FSTL5: variants seen among roughly 807,000 people sequenced by gnomAD.
FSTL5 encodes the protein follistatin like 5.
FSTL5 carries 62 observed loss-of-function variants against 89.1 expected under a neutral mutation model. That is an observed-to-expected ratio of 0.70 (90% confidence interval 0.57 to 0.86). FSTL5 has a LOEUF of 0.86. FSTL5 is among the 40% of genes least tolerant of loss of function. The pLI is 0.00. For missense variants in FSTL5, 1,057 were observed against 1,001.6 expected (o/e 1.06, Z -0.75); for synonymous variants, 383 against 346.2 (o/e 1.11, Z -1.18).
chr4:161,875,876 A>G (rs1360774457), intron 4 of FSTL5, among the ~76,000 whole-genome samples: 1 of 152,006 alleles, frequency 6.6e-6, no homozygotes, highest in East Asian at 1.9e-4. Flanking sequence ...TTTTTGTACA[A>G]TCTGTTTGAT....
At chr4:161,690,431 C>T (rs1392174204) in intron 6 of FSTL5, among the ~76,000 whole-genome samples, 1 of 151,810 alleles carries the variant, frequency 6.6e-6, no homozygotes, top group African/African-American at 2.4e-5. Flanking sequence ...TTTTTATATG[C>T]TTGTTGACTA....
At chr4:161,702,066 G>T (rs1738410741) in intron 6 of FSTL5, among the ~76,000 whole-genome samples, 1 of 151,938 alleles carries the variant, frequency 6.6e-6, no homozygotes, top group Non-Finnish European at 1.5e-5. Context: ...TCTGACATGG[G>T]TACCATTAAT....
At chr4:161,389,715 G>C (rs1211158475) in intron 15 of FSTL5, among the ~76,000 whole-genome samples, 1 of 152,056 alleles carries the variant, frequency 6.6e-6, no homozygotes, top group Non-Finnish European at 1.5e-5. Flanking sequence ...GTACTACCTT[G>C]CTCTGAGGAT....
rs1730963313 is a variant in FSTL5, at chr4:162,100,750, T to C, written c.126+10521A>G. Among the ~76,000 whole-genome samples, 3 of 152,162 alleles carry C rather than the reference T, an allele frequency of 2.0e-5. No individual in the cohort carries two copies. In the South Asian group the frequency reaches 6.2e-4, roughly 31 times the overall value. ...CAGGATGTTAATAAAGGGAGGGCTG[T>C]GCATGTGTGGGGGAGGGGGTATAGA... On this transcript the variant is annotated intron_variant, in intron 2 of 15. Coordinates refer to ENST00000306100, the MANE Select transcript of FSTL5 (RefSeq NM_020116.5).
chr4:161,798,841 GA>G (rs779884905), intron 4 of FSTL5, among the ~76,000 whole-genome samples: 2 of 151,430 alleles, frequency 1.3e-5, no homozygotes, highest in East Asian at 3.9e-4. Context: ...TTTTAATAAA[GA>G]AAAAAACCCT....
At chr4:161,935,433 T>C (rs2110907142) in intron 3 of FSTL5, among the ~76,000 whole-genome samples, 1 of 152,254 alleles carries the variant, frequency 6.6e-6, no homozygotes, top group African/African-American at 2.4e-5. Flanking sequence ...ACTGATTCAG[T>C]TCCATCTTCT....
chr4:161,602,201 C>G (rs1043008821), intron 7 of FSTL5, among the ~76,000 whole-genome samples: 2 of 148,482 alleles, frequency 1.3e-5, no homozygotes, highest in South Asian at 4.2e-4. Context: ...AAAGCGTGTG[C>G]GCACGCATGC....
At chr4:162,100,298 C>T (rs374838070) in intron 2 of FSTL5, among the ~76,000 whole-genome samples, 33 of 152,266 alleles carry the variant, frequency 2.2e-4, no homozygotes, top group South Asian at 6.2e-4. Context: ...CGGTGGCTCA[C>T]GCCTGTAATC....
intron 14 of FSTL5, 83 bp downstream of exon 14, chr4:161,459,129 T>C (rs116151087): frequency 0.014 from 12,584 of 928,222 alleles, 174 homozygotes; most frequent in Non-Finnish European, 0.014. Flanking sequence ...AAAAATATCA[T>C]GGTTAAATGA....
At chr4:161,892,737 C>T (rs554503376) in intron 4 of FSTL5, among the ~76,000 whole-genome samples, 42 of 151,822 alleles carry the variant, frequency 2.8e-4, no homozygotes, top group South Asian at 8.3e-4. Context: ...AATTAAAATG[C>T]CTCTGAATAT....
intron 2 of FSTL5, among the ~76,000 whole-genome samples, chr4:162,090,061 C>G (rs62331270): frequency 1.3e-5 from 2 of 151,942 alleles, no homozygotes; most frequent in Non-Finnish European, 2.9e-5. Flanking sequence ...TAAATCTGGA[C>G]CCCTTCCTTA....
chr4:161,386,602 A>G (rs886438454), intron 15 of FSTL5, 153 bp from the exon 16 acceptor site: 2 of 592,506 alleles, frequency 3.4e-6, no homozygotes, highest in African/African-American at 1.9e-5. Context: ...TAATCTGTAG[A>G]TTGTGCCACT....
chr4:161,473,840 A>G (rs1419217733), intron 13 of FSTL5, among the ~76,000 whole-genome samples: 1 of 152,096 alleles, frequency 6.6e-6, no homozygotes, highest in Non-Finnish European at 1.5e-5. Context: ...TCAGACTTTT[A>G]GTGTGATTTT....
chr4:161,923,426 A>G (rs1165604055), intron 3 of FSTL5, among the ~76,000 whole-genome samples: 1 of 151,882 alleles, frequency 6.6e-6, no homozygotes, highest in Non-Finnish European at 1.5e-5. Flanking sequence ...ATATTTCCCC[A>G]TCCTTATGCC....
At position 161,993,764 on chromosome 4, in the gene FSTL5, A is replaced by T. The variant is rs1224033339; in HGVS notation, c.160+39861T>A. Among the ~76,000 whole-genome samples, 5 of 152,258 alleles carry T rather than the reference A, an allele frequency of 3.3e-5. No homozygotes were observed. In the East Asian group the frequency reaches 9.7e-4, roughly 29 times the overall value. The stretch of plus-strand genomic sequence containing the variant: ...TGAAGGTTAATATGATAAAAGTAAC[A>T]TCAATGTTATTTTCATTTGATTTTT... On this transcript the variant is annotated intron_variant, in intron 3 of 15. Coordinates refer to ENST00000306100, the MANE Select transcript of FSTL5 (RefSeq NM_020116.5).
chr4:161,602,180 A>G (rs944284518), intron 7 of FSTL5, among the ~76,000 whole-genome samples: 1 of 151,894 alleles, frequency 6.6e-6, no homozygotes, highest in Non-Finnish European at 1.5e-5. Flanking sequence ...ACAGAAAAAA[A>G]AAGAAAACAA....
intron 4 of FSTL5, among the ~76,000 whole-genome samples, chr4:161,891,937 T>C (rs571019448): frequency 1.2e-4 from 19 of 152,188 alleles, no homozygotes; most frequent in African/African-American, 4.6e-4. Flanking sequence ...AGTCTTTCTC[T>C]TCAAAATAAG....
At chr4:161,734,995 A>G (rs1739761246) in intron 6 of FSTL5, among the ~76,000 whole-genome samples, 1 of 152,166 alleles carries the variant, frequency 6.6e-6, no homozygotes, top group Non-Finnish European at 1.5e-5. Context: ...AGACAGTGGC[A>G]GAGCTCACAG....
chr4:161,589,288 C>T (rs1235818654), intron 7 of FSTL5, among the ~76,000 whole-genome samples: 1 of 152,186 alleles, frequency 6.6e-6, no homozygotes, highest in Admixed American at 6.5e-5. Context: ...ATTCTCCTGC[C>T]TCAGCCTCCT....
Sources: allele counts gnomAD v4.1 joint callset (sites outside exome capture counted in the v4.1 genomes callset), GRCh38; gene constraint gnomAD v4.1.1; transcripts MANE v1.5; gene names NCBI Gene and HGNC (gene_info 2026-07-23, HGNC 2026-07-21).